TNN: variants seen among roughly 807,000 people sequenced by gnomAD.
TNN encodes the protein tenascin N, also known as tenascin-N.
Under a neutral mutation model 134.4 loss-of-function variants are expected in TNN, and 122 were observed. The ratio of observed to expected loss-of-function variants is 0.91; its 90% confidence interval spans 0.78 to 1.06. TNN has a LOEUF of 1.06. Among genes scored for constraint, TNN ranks in the 50% least tolerant of loss-of-function variants. The pLI, the probability that TNN is intolerant of heterozygous loss-of-function variation, is 0.00. For missense variants in TNN, 1,739 were observed against 1,699.4 expected (o/e 1.02, Z -0.41); for synonymous variants, 710 against 670.3 (o/e 1.06, Z -0.91).
chr1:175,078,923 C>G (rs1336987409), intron 2 of TNN, among the ~76,000 whole-genome samples: 1 of 152,160 alleles, frequency 6.6e-6, no homozygotes, highest in Non-Finnish European at 1.5e-5. Context: ...CACTTTCCCC[C>G]CAGGAGTCCT....
intron 3 of TNN, 99 bp downstream of exon 3, chr1:175,079,806 T>G: frequency 7.0e-7 from 1 of 1,425,026 alleles, no homozygotes; most frequent in Non-Finnish European, 9.2e-7. Flanking sequence ...TCTCTTCCTT[T>G]AGCCTACGCC....
At chr1:175,117,907 G>C (rs768683926) in intron 10 of TNN, among the ~76,000 whole-genome samples, 1 of 152,184 alleles carries the variant, frequency 6.6e-6, no homozygotes, top group Non-Finnish European at 1.5e-5. Flanking sequence ...TAGTGGAAGC[G>C]ATATCTAACC....
intron 6 of TNN, among the ~76,000 whole-genome samples, chr1:175,093,418 T>G (rs1446795401): frequency 6.6e-6 from 1 of 152,246 alleles, no homozygotes; most frequent in African/African-American, 2.4e-5. Flanking sequence ...GTTTTGCTCA[T>G]TGATAACTCT....
At chr1:175,140,116 T>C (rs1675910927) in intron 17 of TNN, among the ~76,000 whole-genome samples, 1 of 152,266 alleles carries the variant, frequency 6.6e-6, no homozygotes, top group Non-Finnish European at 1.5e-5. Flanking sequence ...TCAGACTATG[T>C]TCCTGACAGC....
At chr1:175,122,684 T>C (rs1675408378) in intron 11 of TNN, among the ~76,000 whole-genome samples, 1 of 152,214 alleles carries the variant, frequency 6.6e-6, no homozygotes, top group Admixed American at 6.5e-5. Context: ...CATAGAAAGA[T>C]GCAAACAGGA....
intron 12 of TNN, among the ~76,000 whole-genome samples, chr1:175,125,705 CT>C (rs1199099078): frequency 1.3e-4 from 1 of 7,518 alleles, no homozygotes; most frequent in African/African-American, 6.6e-4. Flanking sequence ...TTTTTTCTCT[CT>C]TTCTTTCTTT....
chr1:175,121,498 G>A (rs1048574805), intron 11 of TNN, among the ~76,000 whole-genome samples: 3 of 152,198 alleles, frequency 2.0e-5, no homozygotes, highest in Non-Finnish European at 4.4e-5. Flanking sequence ...TACTAGAAGA[G>A]TGATATGATG....
At chr1:175,131,652 T>C (rs1300536192) in intron 15 of TNN, among the ~76,000 whole-genome samples, 1 of 152,198 alleles carries the variant, frequency 6.6e-6, no homozygotes, top group Non-Finnish European at 1.5e-5. Flanking sequence ...TGAGAGATCA[T>C]AATAACTTAT....
At chr1:175,120,118 T>C (rs1486228861) in intron 11 of TNN, among the ~76,000 whole-genome samples, 2 of 152,220 alleles carry the variant, frequency 1.3e-5, no homozygotes, top group African/African-American at 4.8e-5. Context: ...AAGGAGCAAG[T>C]ATTCACCTGG....
At chr1:175,126,882 A>C in intron 12 of TNN, 73 bp from the exon 13 acceptor site, 2 of 1,511,208 alleles carry the variant, frequency 1.3e-6, no homozygotes. Context: ...GGAAAATATA[A>C]ACTGATGTCT....
chr1:175,116,876 G>A, intron 9 of TNN, 63 bp from the exon 10 acceptor site: 1 of 1,608,948 alleles, frequency 6.2e-7, no homozygotes, highest in Middle Eastern at 1.7e-4. Context: ...CAAGTAAAAT[G>A]CCCAGATCTC....
chr1:175,123,712 G>C (rs1320017777), intron 12 of TNN, 49 bp downstream of exon 12: 1 of 1,604,632 alleles, frequency 6.2e-7, no homozygotes, highest in Non-Finnish European at 8.5e-7. Context: ...TATCAGGAGA[G>C]AACCTTCCTC....
rs376477062 is a variant in TNN at position 175,117,123 on chromosome 1, G to T, written c.2304G>T (p.Arg768Ser). 1.2e-5 allele frequency: 20 copies of T among 1,614,166 alleles called. No individual in the cohort carries two copies. Residue 768 changes from arginine (R) to serine (S), a missense_variant, in exon 10 of 19, where the codon AGG becomes AGT. By Grantham distance (110) the Arg-to-Ser change is moderately radical. Coordinates refer to ENST00000239462, the MANE Select transcript of TNN (RefSeq NM_022093.2). ...GTAGCACTGTCCTGACGGGCCTGAG[G>T]CCGGGTGTGGAGTACACGGTGCACG... is the stretch of plus-strand genomic sequence containing the variant. ...EQSSTVLTGL[R>S]PGVEYTVHVW...
intron 6 of TNN, among the ~76,000 whole-genome samples, chr1:175,089,610 T>C (rs188423208): frequency 1.3e-5 from 2 of 152,372 alleles, no homozygotes; most frequent in Non-Finnish European, 2.9e-5. Flanking sequence ...AATGAAGAGT[T>C]GGACTAAATG....
intron 15 of TNN, among the ~76,000 whole-genome samples, chr1:175,129,823 A>C (rs1411399577): frequency 1.3e-5 from 2 of 152,170 alleles, no homozygotes; most frequent in Non-Finnish European, 2.9e-5. Flanking sequence ...TGGGGAGTTC[A>C]GACCTCTGAA....
In TNN at chr1:175,136,962, C is replaced by T. The variant is rs143003001; in HGVS notation, c.3569C>T (p.Thr1190Ile). The T allele has an allele frequency of 2.5e-6, 4 of 1,613,946 alleles. No homozygotes were observed. The African/African-American group carries it at 5.3e-5, about 22-fold the overall frequency. Reference protein sequence around the residue: ...VASSKERYKLTVGKYRGTAGD... With the variant: ...VASSKERYKLIVGKYRGTAGD... Reference sequence around the variant, plus strand: ...TCCAGCAAGGAGCGGTATAAGCTGACAGTTGGGAAATACAGAGGCACGGCA... The same window carrying T: ...TCCAGCAAGGAGCGGTATAAGCTGATAGTTGGGAAATACAGAGGCACGGCA... The change falls in exon 17 of 19, where the codon ACA (threonine) becomes ATA (isoleucine). Residue 1190 changes from threonine (T) to isoleucine (I), a missense_variant. Transcript: ENST00000239462.
intron 9 of TNN, among the ~76,000 whole-genome samples, chr1:175,108,755 C>T (rs866361842): frequency 4.6e-5 from 7 of 151,582 alleles, no homozygotes; most frequent in Non-Finnish European, 8.8e-5. Flanking sequence ...GCTCTGAGTG[C>T]GGGGCCCTCC....
intron 6 of TNN, among the ~76,000 whole-genome samples, chr1:175,093,086 G>T (rs1208794230): frequency 6.6e-6 from 1 of 152,214 alleles, no homozygotes; most frequent in Non-Finnish European, 1.5e-5. Flanking sequence ...GACTTCTCTT[G>T]TTACTTAGTG....
intron 6 of TNN, among the ~76,000 whole-genome samples, chr1:175,093,609 TGAG>T (rs1674501438): frequency 6.6e-6 from 1 of 152,168 alleles, no homozygotes; most frequent in African/African-American, 2.4e-5. Context: ...TGTTTTGATT[TGAG>T]GAGAACTAGG....
Sources: gnomAD v4.1 joint callset for allele counts (sites outside exome capture counted in the v4.1 genomes callset) on GRCh38, gnomAD v4.1.1 for gene constraint, MANE v1.5 for transcripts, NCBI Gene and HGNC (gene_info 2026-07-23, HGNC 2026-07-21) for gene names.